The following ARHGEF2 variants were observed in gnomAD, a reference collection of about 807,000 sequenced individuals.
ARHGEF2 encodes the protein Rho/Rac guanine nucleotide exchange factor 2, also known as rho guanine nucleotide exchange factor 2.
Under a neutral mutation model 121.0 loss-of-function variants are expected in ARHGEF2, and 22 were observed. That is an observed-to-expected ratio of 0.18 (90% confidence interval 0.13 to 0.26). The LOEUF is 0.26. Among genes scored for constraint, ARHGEF2 ranks in the 10% least tolerant of loss-of-function variants. The probability of loss-of-function intolerance (pLI) is 1.00; values close to 1 mark genes in which losing one functional copy is unlikely to be tolerated. For synonymous variants in ARHGEF2, 487 were observed against 530.0 expected (o/e 0.92, Z 1.11); for missense variants, 907 against 1,336.0 (o/e 0.68, Z 5.01).
intron 14 of ARHGEF2, among the ~76,000 whole-genome samples, chr1:155,954,008 C>T (rs1481512385): frequency 6.6e-6 from 1 of 152,032 alleles, no homozygotes; most frequent in African/African-American, 2.4e-5. Context: ...GTTACCCAGA[C>T]TGGAGTGCAG....
intron 1 of ARHGEF2, among the ~76,000 whole-genome samples, chr1:155,976,556 G>A (rs1021123470): frequency 2.7e-5 from 4 of 148,022 alleles, no homozygotes; most frequent in Non-Finnish European, 4.4e-5. Flanking sequence ...GATGTCTGAC[G>A]TCCCAGCTCC....
chr1:155,973,999 A>C (rs917452699), intron 1 of ARHGEF2, among the ~76,000 whole-genome samples: 1 of 151,614 alleles, frequency 6.6e-6, no homozygotes, highest in African/African-American at 2.4e-5. Context: ...GAGCTTCTCC[A>C]AGCAAGCCCT....
chr1:155,952,058 A>T (rs1675587015), intron 16 of ARHGEF2, 58 bp downstream of exon 16: 2 of 1,613,602 alleles, frequency 1.2e-6, no homozygotes, highest in South Asian at 1.1e-5. Context: ...CCCTGGTACC[A>T]CTCTACTAAC....
chr1:155,950,499 G>A lies in ARHGEF2; in HGVS notation c.2704-17C>T. On this transcript the variant is annotated splice_polypyrimidine_tract_variant and intron_variant, in intron 20 of 21. Coordinates refer to ENST00000361247, the MANE Select transcript of ARHGEF2 (RefSeq NM_001162383.2). The surrounding 1 kb of genome is among the most constrained non-coding windows in gnomAD (Gnocchi z 5.2). Reference sequence around the variant, plus strand: ...TCGGCTGGGCTGTGGACAGTGGGCAGGAAGAACAGCAGGTCAGGGACTGAG... The same window carrying A: ...TCGGCTGGGCTGTGGACAGTGGGCAAGAAGAACAGCAGGTCAGGGACTGAG... 1 of 1,611,772 alleles carries A rather than the reference G, an allele frequency of 6.2e-7. No individual in the cohort carries two copies. The highest frequency in any genetic ancestry group is 8.5e-7 in the Non-Finnish European group (1 of 1,178,944).
In ARHGEF2 at chr1:155,966,825, G is replaced by C. The variant is rs751257080; in HGVS notation, c.271C>G (p.Gln91Glu). The C allele has an allele frequency of 6.2e-7, 1 of 1,612,856 alleles. No homozygotes were observed. The change falls in exon 3 of 22, where the codon CAG (glutamine) becomes GAG (glutamate). Residue 91 changes from glutamine to glutamate, a missense_variant. Transcript: ENST00000361247. ...DTLANCTKVKQKQQKAALLKN... is the reference protein window; with the variant it reads ...DTLANCTKVKEKQQKAALLKN... ...TGCCCTCCCTGCCGTCTCACCTTCT[G>C]CTTGACCTTGGTACAGTTGGCGAGG...
chr1:155,950,492 G>T lies in ARHGEF2; in HGVS notation c.2704-10C>A. On this transcript the variant is annotated splice_polypyrimidine_tract_variant and intron_variant, in intron 20 of 21. Coordinates refer to ENST00000361247, the MANE Select transcript of ARHGEF2 (RefSeq NM_001162383.2). This position sits in a 1 kb window ranked among gnomAD's most constrained non-coding sequence, Gnocchi z 5.2. Reference sequence around the variant, plus strand: ...CAGTGCCTCGGCTGGGCTGTGGACAGTGGGCAGGAAGAACAGCAGGTCAGG... The same window carrying T: ...CAGTGCCTCGGCTGGGCTGTGGACATTGGGCAGGAAGAACAGCAGGTCAGG... The T allele has an allele frequency of 6.2e-7, 1 of 1,612,970 alleles. No individual in the cohort carries two copies.
In ARHGEF2 at chr1:155,962,530, C is replaced by A. The variant is rs546046568; in HGVS notation, c.1101+63G>T. 2 of 1,595,352 alleles carry A rather than the reference C, an allele frequency of 1.3e-6. No individual in the cohort carries two copies. The highest frequency in any genetic ancestry group is 1.1e-5 in the South Asian group (1 of 88,036). On this transcript the variant is annotated intron_variant, in intron 9 of 21. Transcript: ENST00000361247. The surrounding 1 kb of genome is among the most constrained non-coding windows in gnomAD (Gnocchi z 5.8). ...ATGTGGGTGCAGCTCACAGGCACTA[C>A]CCCCATGAGTTGGGGAGGGTGGGTT...
intron 13 of ARHGEF2, among the ~76,000 whole-genome samples, 194 bp from the exon 14 acceptor site, chr1:155,955,163 T>A (rs1424431615): frequency 6.6e-6 from 1 of 152,078 alleles, no homozygotes; most frequent in East Asian, 1.9e-4. Context: ...AGTCTTACTC[T>A]GTCACCCAGG....
chr1:155,951,593 G>A lies in ARHGEF2; in HGVS notation c.2209-60C>T. 1 of 1,612,236 alleles carries A rather than the reference G, an allele frequency of 6.2e-7. No individual in the cohort carries two copies. The highest frequency in any genetic ancestry group is 8.5e-7 in the Non-Finnish European group (1 of 1,178,306). ...TTTAGGATGGGAGAACTGCCCAAAA[G>A]TTGAACAAGGGTGGGTGTGGGGACA... On this transcript the variant is annotated intron_variant, in intron 18 of 21. Coordinates refer to ENST00000361247, the MANE Select transcript of ARHGEF2 (RefSeq NM_001162383.2). This position sits in a 1 kb window ranked among gnomAD's most constrained non-coding sequence, Gnocchi z 5.1.
At position 155,965,102 on chromosome 1, in the gene ARHGEF2, C is replaced by G; in HGVS notation, c.610G>C (p.Asp204His). 1 of 1,614,094 alleles carries G rather than the reference C, an allele frequency of 6.2e-7. No homozygotes were observed. Among genetic ancestry groups the G allele is most frequent in the Non-Finnish European group, 8.5e-7 (1 of 1,180,014 alleles). Residue 204 changes from aspartate (D) to histidine (H), a missense_variant, in exon 7 of 22, where the codon GAC becomes CAC. By Grantham distance (81) the Asp-to-His change is moderately conservative (BLOSUM62 -1). Transcript: ENST00000361247. This position sits in a 1 kb window ranked among gnomAD's most constrained non-coding sequence, Gnocchi z 6.0. Reference sequence around the variant, plus strand: ...AAGTCCTTCTCATCCATCTCAAAGTCACTCATCAGCTCACTGTAGATTACC... The same window carrying G: ...AAGTCCTTCTCATCCATCTCAAAGTGACTCATCAGCTCACTGTAGATTACC... The part of the protein sequence containing the change: ...AEVIYSELMS[D>H]FEMDEKDFAA...
intron 1 of ARHGEF2, among the ~76,000 whole-genome samples, chr1:155,975,006 A>G (rs1426539416): frequency 6.8e-6 from 1 of 147,864 alleles, no homozygotes; most frequent in Non-Finnish European, 1.5e-5. Flanking sequence ...CCAAAGAGAC[A>G]TAAACAAACC....
intron 16 of ARHGEF2, 23 bp downstream of exon 16, chr1:155,952,093 T>C (rs745920902): frequency 6.2e-7 from 1 of 1,614,102 alleles, no homozygotes; most frequent in South Asian, 1.1e-5. Context: ...CCTACTACCT[T>C]GGTCCCCTGC....
At chr1:155,972,278 C>G (rs1267963211) in intron 1 of ARHGEF2, 3 of 466,122 alleles carry the variant, frequency 6.4e-6, no homozygotes, top group Admixed American at 4.7e-5. Context: ...GACCCCTGCT[C>G]TAGGTGGGCC....
chr1:155,976,258 T>TG (rs1306214950), intron 1 of ARHGEF2, among the ~76,000 whole-genome samples: 1 of 151,748 alleles, frequency 6.6e-6, no homozygotes, highest in African/African-American at 2.4e-5. Flanking sequence ...GCTGGTGTGC[T>TG]GGGGGGAGGG....
At position 155,958,574 on chromosome 1, in the gene ARHGEF2, A is replaced by ATT. The variant is rs397722034; in HGVS notation, c.1469-180_1469-179dup. On this transcript the variant is annotated intron_variant, in intron 11 of 21. Coordinates refer to ENST00000361247, the MANE Select transcript of ARHGEF2 (RefSeq NM_001162383.2). ...AGACCTCTCACACCTCACCCATTCT[A>ATT]TTTTTTTTTTTTTTTTTTGATACAG... 3.2e-3 allele frequency among the ~76,000 whole-genome samples: 394 copies of ATT among 122,250 alleles called. 5 individuals are homozygous for ATT. Among genetic ancestry groups the ATT allele is most frequent in the African/African-American group, 8.6e-3 (269 of 31,242 alleles). The allele number at this position is 122,250 out of a possible 152,430, so 80.2% of individuals were successfully genotyped here.
At position 155,951,878 on chromosome 1, in the gene ARHGEF2, C is replaced by T. The variant is rs1330936911; in HGVS notation, c.2172+41G>A. On this transcript the variant is annotated intron_variant, in intron 17 of 21. Transcript: ENST00000361247. This position sits in a 1 kb window ranked among gnomAD's most constrained non-coding sequence, Gnocchi z 5.1. ...GGATCCAGAGGCTGGCTGTCCCTCTCCCACCCTCTTGCCAAGTCCCAGAAC... is the reference window on the plus strand; with the variant it reads ...GGATCCAGAGGCTGGCTGTCCCTCTTCCACCCTCTTGCCAAGTCCCAGAAC... 1 of 1,612,738 alleles carries T rather than the reference C, an allele frequency of 6.2e-7. No homozygotes were observed. Among genetic ancestry groups the T allele is most frequent in the African/African-American group, 1.3e-5 (1 of 74,888 alleles).
At position 155,962,474 on chromosome 1, in the gene ARHGEF2, G is replaced by C; in HGVS notation, c.1101+119C>G. The C allele has an allele frequency of 7.1e-7, 1 of 1,400,406 alleles. No individual in the cohort carries two copies. Among genetic ancestry groups the C allele is most frequent in the Non-Finnish European group, 9.9e-7 (1 of 1,013,418 alleles). 86.7% of individuals were successfully genotyped at this position (1,400,406 alleles called of 1,614,324 possible). A position where few individuals can be genotyped will look rare whatever the true frequency, so the allele number is the denominator to read the frequency against. On this transcript the variant is annotated intron_variant, in intron 9 of 21. Coordinates refer to ENST00000361247, the MANE Select transcript of ARHGEF2 (RefSeq NM_001162383.2). This position sits in a 1 kb window ranked among gnomAD's most constrained non-coding sequence, Gnocchi z 5.8. ...CTGCTGACAGGATCTGTGTATGGAT[G>C]GTCTGCACGGGTGGCGAATGCCTGA... is the stretch of plus-strand genomic sequence containing the variant.
Position 155,952,705 on chromosome 1 carries a change from A to G in ARHGEF2, c.1907T>C (p.Leu636Pro). 1 of 1,614,174 alleles carries G rather than the reference A, an allele frequency of 6.2e-7. No individual in the cohort carries two copies. The highest frequency in any genetic ancestry group is 8.5e-7 in the Non-Finnish European group (1 of 1,179,996). ...DGGSGMALPT[L>P]PRGLFRSESL... The stretch of plus-strand genomic sequence containing the variant: ...CTCAGAGCGGAAAAGGCCCCTGGGC[A>G]GGGTGGGCAGGGCCATCCCACTGCC... The change falls in exon 15 of 22, where the codon CTG becomes CCG. Residue 636 changes from leucine (L) to proline (P), a missense_variant. Physicochemically the swap from Leu to Pro is moderately conservative, Grantham distance 98. Around this residue, in one of 2 missense-constraint regions of ARHGEF2, gnomAD observed 432 missense variants for 559.5 expected, o/e 0.77. Transcript: ENST00000361247.
At chr1:155,956,058 A>G (rs966733737) in intron 13 of ARHGEF2, among the ~76,000 whole-genome samples, 1 of 152,082 alleles carries the variant, frequency 6.6e-6, no homozygotes, top group Admixed American at 6.6e-5. Flanking sequence ...CAGATCTGTC[A>G]ACAGGACAGG....
Sources: allele counts gnomAD v4.1 joint callset (sites outside exome capture counted in the v4.1 genomes callset), GRCh38; gene constraint gnomAD v4.1.1; regional missense constraint gnomAD v4.1.1; non-coding constraint Gnocchi (gnomAD v3.1); transcripts MANE v1.5; gene names NCBI Gene and HGNC (gene_info 2026-07-23, HGNC 2026-07-21).